MIA2: variants seen among roughly 807,000 people sequenced by gnomAD.
MIA2 encodes the protein melanoma inhibitory activity protein 2.
In MIA2, 127 loss-of-function variants were observed where a neutral mutation model predicts 167.8. The observed-to-expected ratio is 0.76, with a 90% confidence interval of 0.66 to 0.88. MIA2 has a LOEUF of 0.88. Among genes scored for constraint, MIA2 ranks in the 40% least tolerant of loss-of-function variants. The pLI is 0.00. For missense variants in MIA2, 1,690 were observed against 1,624.7 expected (o/e 1.04, Z -0.69); for synonymous variants, 552 against 541.9 (o/e 1.02, Z -0.26).
chr14:39,387,936 A>G (rs1406202746), exon 24 of MIA2: 1 of 152,160 alleles, frequency 6.6e-6, no homozygotes, highest in Non-Finnish European at 1.5e-5. Flanking sequence ...TAAGGTCTGT[A>G]CATTTTTTAG....
intron 7 of MIA2, among the ~76,000 whole-genome samples, chr14:39,278,794 TTTAGAG>T (rs1396265561): frequency 9.9e-5 from 8 of 81,154 alleles, no homozygotes; most frequent in African/African-American, 3.5e-4. Flanking sequence ...AACAAGTATC[TTTAGAG>T]TAAAGTTATT....
intron 21 of MIA2, among the ~76,000 whole-genome samples, chr14:39,316,265 T>C (rs888040130): frequency 1.3e-5 from 2 of 152,190 alleles, no homozygotes; most frequent in Admixed American, 6.5e-5. Context: ...TTTTGACTAA[T>C]TATAAGAAAG....
intron 23 of MIA2, among the ~76,000 whole-genome samples, chr14:39,380,169 C>T (rs2075125725): frequency 6.6e-6 from 1 of 152,140 alleles, no homozygotes; most frequent in South Asian, 2.1e-4. Context: ...ACATTTTTAG[C>T]ATCAGGTCAC....
chr14:39,317,109 A>AG (rs1400179940), intron 21 of MIA2, among the ~76,000 whole-genome samples: 8 of 152,180 alleles, frequency 5.3e-5, no homozygotes, highest in African/African-American at 1.9e-4. Flanking sequence ...GATGACACCT[A>AG]GGATATATCT....
chr14:39,301,884 ATAT>A (rs1030368641), intron 14 of MIA2, among the ~76,000 whole-genome samples: 3 of 152,334 alleles, frequency 2.0e-5, no homozygotes, highest in East Asian at 1.9e-4. Context: ...TAGTTGCATA[ATAT>A]TAATATGTAC....
At chr14:39,266,713 G>A (rs1295167817) in intron 6 of MIA2, 40 of 985,478 alleles carry the variant, frequency 4.1e-5, no homozygotes, top group Non-Finnish European at 4.8e-5. Context: ...GGCTTCTCGG[G>A]GCTGCCGGGG....
At chr14:39,354,261 C>G (rs1432770408), downstream of MIA2, among the ~76,000 whole-genome samples, 1 of 152,196 alleles carries the variant, frequency 6.6e-6, no homozygotes, top group Non-Finnish European at 1.5e-5. Flanking sequence ...ACCATTCTAA[C>G]TGGTGTGAGA....
At chr14:39,238,502 A>T (rs543198205) in intron 2 of MIA2, among the ~76,000 whole-genome samples, 1 of 152,146 alleles carries the variant, frequency 6.6e-6, no homozygotes, top group African/African-American at 2.4e-5. Flanking sequence ...ATAGAAAAAA[A>T]TAACAGCTTG....
Position 39,289,738 on chromosome 14 carries a change from C to T in MIA2, c.2131-1281C>T, listed in dbSNP as rs189164455. Among the ~76,000 whole-genome samples, 721 of 152,276 alleles carry T rather than the reference C, an allele frequency of 4.7e-3. 1 individual carries two copies. Among genetic ancestry groups the T allele is most frequent in the Admixed American group, 9.0e-3 (137 of 15,302 alleles). ...CCTCAAGTGATCCTCCCACGTTGGC[C>T]TCCCAAAATGCTGGGATTACAGACA... is the stretch of plus-strand genomic sequence containing the variant. On this transcript the variant is annotated intron_variant, in intron 9 of 28. Transcript: ENST00000640607.
At chr14:39,279,966 T>C (rs911516530) in intron 9 of MIA2, among the ~76,000 whole-genome samples, 2 of 152,228 alleles carry the variant, frequency 1.3e-5, no homozygotes, top group Admixed American at 6.5e-5. Flanking sequence ...AGCTTCAACA[T>C]GTGAATTTGT....
At chr14:39,287,881 G>A (rs569045312) in intron 9 of MIA2, among the ~76,000 whole-genome samples, 5 of 152,074 alleles carry the variant, frequency 3.3e-5, no homozygotes, top group South Asian at 4.1e-4. Context: ...GTCTCGCTTT[G>A]TTGCCCAGGA....
chr14:39,312,977 A>G (rs2064614194), intron 18 of MIA2, among the ~76,000 whole-genome samples: 3 of 152,104 alleles, frequency 2.0e-5, no homozygotes, highest in South Asian at 4.1e-4. Context: ...CATTTTATTA[A>G]TTGGTGACTT....
chr14:39,265,574 G>C, intron 6 of MIA2: 2 of 590,444 alleles, frequency 3.4e-6, no homozygotes, highest in Non-Finnish European at 5.7e-6. Flanking sequence ...TTAATATTTG[G>C]AGTGGTAATT....
intron 4 of MIA2, among the ~76,000 whole-genome samples, chr14:39,251,024 C>A (rs533499285): frequency 3.3e-5 from 5 of 152,128 alleles, no homozygotes; most frequent in African/African-American, 1.2e-4. Context: ...GCCACAGGCC[C>A]TATATTCTGG....
intron 6 of MIA2, among the ~76,000 whole-genome samples, chr14:39,253,850 TGTA>T (rs1365609156): frequency 6.6e-6 from 1 of 152,200 alleles, no homozygotes; most frequent in African/African-American, 2.4e-5. Context: ...AAGGACTAGC[TGTA>T]GTACTTGGCA....
At chr14:39,295,993 A>G (rs932150368) in intron 13 of MIA2, among the ~76,000 whole-genome samples, 1 of 152,130 alleles carries the variant, frequency 6.6e-6, no homozygotes, top group Admixed American at 6.5e-5. Flanking sequence ...CATGCCTTCA[A>G]ATGCTTTGTT....
intron 13 of MIA2, among the ~76,000 whole-genome samples, chr14:39,295,502 A>G (rs1049743456): frequency 3.3e-5 from 5 of 152,176 alleles, no homozygotes; most frequent in African/African-American, 1.2e-4. Flanking sequence ...TTCAGTGATT[A>G]AATTATTATA....
intron 2 of MIA2, among the ~76,000 whole-genome samples, chr14:39,240,186 A>G (rs2152609702): frequency 6.6e-6 from 1 of 152,294 alleles, no homozygotes; most frequent in Non-Finnish European, 1.5e-5. Flanking sequence ...TCACTACTCC[A>G]TCTAGCTTGG....
intron 9 of MIA2, among the ~76,000 whole-genome samples, chr14:39,286,741 T>C (rs951301315): frequency 1.6e-4 from 24 of 148,278 alleles, no homozygotes; most frequent in Non-Finnish European, 2.7e-4. Flanking sequence ...TTGCCCAGGC[T>C]GGATTGCAGC....
Sources: allele counts gnomAD v4.1 joint callset (sites outside exome capture counted in the v4.1 genomes callset), GRCh38; gene constraint gnomAD v4.1.1; transcripts MANE v1.5; gene names NCBI Gene and HGNC (gene_info 2026-07-23, HGNC 2026-07-21).